Variants in NCKAP5 observed in about 807,000 individuals in gnomAD.
NCKAP5 encodes the protein nck-associated protein 5.
In NCKAP5, 92 loss-of-function variants were observed where a neutral mutation model predicts 167.0. The ratio of observed to expected loss-of-function variants is 0.55; its 90% CI spans 0.47 to 0.66. NCKAP5 has a LOEUF of 0.66. Ranked by LOEUF, NCKAP5 falls within the 30% of genes least tolerant of loss-of-function variation. NCKAP5 has a pLI of 0.00. For synonymous variants in NCKAP5, 891 were observed against 877.4 expected, an observed-to-expected ratio of 1.02 and a Z score of -0.27; for missense variants, 2,378 against 2,315.0, an observed-to-expected ratio of 1.03 and a Z score of -0.56.
intron 5 of NCKAP5, among the ~76,000 whole-genome samples, chr2:133,159,354 A>T (rs947080044): frequency 3.3e-5 from 5 of 152,204 alleles, no homozygotes; most frequent in Non-Finnish European, 5.9e-5. Context: ...GCCTTGCAAT[A>T]AGAGTCCAGC....
At chr2:133,434,121 A>G (rs1039850366) in intron 3 of NCKAP5, among the ~76,000 whole-genome samples, 28 of 152,250 alleles carry the variant, frequency 1.8e-4, no homozygotes, top group African/African-American at 6.8e-4. Flanking sequence ...AATTCTAAGA[A>G]TGCTTATAAA....
intron 3 of NCKAP5, among the ~76,000 whole-genome samples, chr2:133,398,927 G>C (rs545987769): frequency 6.6e-6 from 1 of 152,182 alleles, no homozygotes; most frequent in Non-Finnish European, 1.5e-5. Flanking sequence ...GAGAATGCTA[G>C]GGGAAGTTTA....
At chr2:133,284,259 T>A (rs1574599990) in intron 4 of NCKAP5, among the ~76,000 whole-genome samples, 2 of 152,084 alleles carry the variant, frequency 1.3e-5, no homozygotes, top group Non-Finnish European at 2.9e-5. Context: ...AATTCAAGCT[T>A]GTCTGTGTTT....
intron 5 of NCKAP5, among the ~76,000 whole-genome samples, chr2:133,175,342 T>C (rs1183821298): frequency 1.3e-5 from 2 of 152,194 alleles, no homozygotes; most frequent in Non-Finnish European, 2.9e-5. Context: ...TATTTTTTCA[T>C]GCAATTTTTT....
chr2:132,949,988 A>C (rs2076136775), intron 8 of NCKAP5, among the ~76,000 whole-genome samples: 1 of 152,078 alleles, frequency 6.6e-6, no homozygotes, highest in South Asian at 2.1e-4. Flanking sequence ...CATCTACTCG[A>C]GAGGCTGAGG....
At chr2:132,944,175 C>T (rs1697517503) in intron 8 of NCKAP5, among the ~76,000 whole-genome samples, 1 of 151,978 alleles carries the variant, frequency 6.6e-6, no homozygotes, top group Admixed American at 6.6e-5. Flanking sequence ...GTTTTGGGGG[C>T]AGGGGGAATA....
At chr2:133,528,996 A>C (rs959236394) in intron 2 of NCKAP5, among the ~76,000 whole-genome samples, 4 of 152,282 alleles carry the variant, frequency 2.6e-5, no homozygotes, top group African/African-American at 9.6e-5. Context: ...TCCCTAGAGC[A>C]AATATAATTT....
chr2:132,720,933 C>T (rs562171231), intron 19 of NCKAP5, among the ~76,000 whole-genome samples: 2 of 152,160 alleles, frequency 1.3e-5, no homozygotes, highest in Admixed American at 1.3e-4. Flanking sequence ...ACTGCTTGAA[C>T]CCAGGAGGTG....
chr2:133,332,043 C>T (rs1439576755), intron 3 of NCKAP5, among the ~76,000 whole-genome samples: 1 of 152,178 alleles, frequency 6.6e-6, no homozygotes, highest in Non-Finnish European at 1.5e-5. Flanking sequence ...ACACCACCAT[C>T]TCTGAACTGT....
chr2:132,820,379 G>A (rs560063761), intron 11 of NCKAP5, among the ~76,000 whole-genome samples: 1 of 151,752 alleles, frequency 6.6e-6, no homozygotes, highest in East Asian at 2.0e-4. Context: ...ACAGGTGCCC[G>A]CCACCACGCC....
intron 3 of NCKAP5, among the ~76,000 whole-genome samples, chr2:133,462,378 T>C (rs1303106947): frequency 6.6e-6 from 1 of 152,228 alleles, no homozygotes; most frequent in East Asian, 1.9e-4. Flanking sequence ...TCTTGGCTTC[T>C]ACAGATTCCT....
intron 6 of NCKAP5, among the ~76,000 whole-genome samples, chr2:133,017,726 G>A (rs895631586): frequency 2.0e-4 from 27 of 136,418 alleles, no homozygotes; most frequent in Admixed American, 1.6e-3. Context: ...GTTCTTCCCC[G>A]CCCCCCCACT....
At chr2:133,439,824 C>T (rs527740717) in intron 3 of NCKAP5, among the ~76,000 whole-genome samples, 1 of 152,188 alleles carries the variant, frequency 6.6e-6, no homozygotes, top group South Asian at 2.1e-4. Flanking sequence ...AGTCTAGTAA[C>T]CATGGAACCA....
the NCKAP5 span, among the ~76,000 whole-genome samples, chr2:133,667,417 C>A: frequency 1.3e-5 from 2 of 151,976 alleles, no homozygotes; most frequent in African/African-American, 2.4e-5. Context: ...TCCCTCCACA[C>A]CAACAAATTG....
At chr2:133,489,094 A>G (rs1681205379) in intron 3 of NCKAP5, among the ~76,000 whole-genome samples, 1 of 152,146 alleles carries the variant, frequency 6.6e-6, no homozygotes, top group Non-Finnish European at 1.5e-5. Context: ...ATCTCAGAAA[A>G]AGTCGGCAGG....
rs113340810 is a variant in NCKAP5, at chr2:133,448,950, C to T, written c.69+68508G>A. Among the ~76,000 whole-genome samples the T allele has an allele frequency of 6.0e-3, 917 of 152,328 alleles. 10 individuals carry two copies. The highest frequency in any genetic ancestry group is 0.021 in the African/African-American group (877 of 41,566). On this transcript the variant is annotated intron_variant, in intron 3 of 19. Coordinates refer to ENST00000409261, the MANE Select transcript of NCKAP5 (RefSeq NM_207363.3). ...CTTTCTATAAAATAACATAGATAGA[C>T]AAGATGCTGTGTTTACACAGACATA...
At chr2:132,803,297 A>C (rs749352625) in intron 11 of NCKAP5, among the ~76,000 whole-genome samples, 3 of 152,166 alleles carry the variant, frequency 2.0e-5, no homozygotes, top group Non-Finnish European at 4.4e-5. Flanking sequence ...CCTTGTTGCA[A>C]TTATTATTTT....
intron 3 of NCKAP5, among the ~76,000 whole-genome samples, chr2:133,429,790 C>G (rs1174590830): frequency 2.0e-5 from 3 of 152,100 alleles, no homozygotes; most frequent in Admixed American, 1.3e-4. Flanking sequence ...CAATACAGTG[C>G]ATGTATCTTT....
At chr2:133,183,948 TA>T (rs2084838245) in intron 5 of NCKAP5, among the ~76,000 whole-genome samples, 1 of 152,104 alleles carries the variant, frequency 6.6e-6, no homozygotes, top group Non-Finnish European at 1.5e-5. Context: ...AAACAAAATT[TA>T]TATTTTTATT....
Sources: allele counts gnomAD v4.1 joint callset (sites outside exome capture counted in the v4.1 genomes callset), GRCh38; gene constraint gnomAD v4.1.1; transcripts MANE v1.5; gene names NCBI Gene and HGNC (gene_info 2026-07-23, HGNC 2026-07-21).